SGCZ: variants seen among roughly 807,000 people sequenced by gnomAD.
SGCZ encodes sarcoglycan zeta.
Under a neutral mutation model 41.3 loss-of-function variants are expected in SGCZ, and 40 were observed. The ratio of observed to expected loss-of-function variants is 0.97; its 90% CI spans 0.75 to 1.26. The LOEUF (loss-of-function observed/expected upper bound fraction) is 1.26. SGCZ is among the 50% of genes most tolerant of loss of function. SGCZ has a pLI of 0.00. For missense variants in SGCZ, 552 were observed against 369.8 expected (o/e 1.49, Z -4.04); for synonymous variants, 206 against 137.5 (o/e 1.50, Z -3.49).
intron 2 of SGCZ, among the ~76,000 whole-genome samples, chr8:14,554,104 C>T (rs901378205): frequency 5.9e-5 from 9 of 152,022 alleles, no homozygotes; most frequent in South Asian, 2.1e-4. Context: ...TTCATTAATA[C>T]ATTATACAAT....
At chr8:14,635,706 A>C (rs905123447) in intron 1 of SGCZ, among the ~76,000 whole-genome samples, 4 of 151,626 alleles carry the variant, frequency 2.6e-5, no homozygotes, top group Non-Finnish European at 5.9e-5. Context: ...TCTGGGTGGA[A>C]GCCGTGTTCC....
intron 1 of SGCZ, among the ~76,000 whole-genome samples, chr8:14,766,598 G>C (rs930321215): frequency 1.3e-5 from 2 of 151,696 alleles, no homozygotes; most frequent in Non-Finnish European, 2.9e-5. Flanking sequence ...GTTTCATTCT[G>C]TCACCCAGGC....
intron 1 of SGCZ, among the ~76,000 whole-genome samples, chr8:14,698,487 T>TA (rs1233325163): frequency 6.6e-6 from 1 of 151,908 alleles, no homozygotes; most frequent in Admixed American, 6.6e-5. Flanking sequence ...ATAAAAGCTA[T>TA]AAAACACACC....
rs535748007 is a variant in SGCZ at position 15,150,241 on chromosome 8, G to C, written c.39+87344C>G. Among the ~76,000 whole-genome samples the C allele has an allele frequency of 2.0e-3, 199 of 99,766 alleles. 1 individual carries two copies. The highest frequency in any genetic ancestry group is 4.7e-3 in the African/African-American group (186 of 39,274). The allele number at this position is 99,766 out of a possible 152,430, so 65.5% of individuals were successfully genotyped here. A position where few individuals can be genotyped will look rare whatever the true frequency, so the allele number is the denominator to read the frequency against. On this transcript the variant is annotated intron_variant, in intron 1 of 7. Coordinates refer to ENST00000382080, the MANE Select transcript of SGCZ (RefSeq NM_139167.4). ...CAGAAATAAACATACCAATATGTTTGATAAAAATGAATAATTTTTACAAAG... is the reference window on the plus strand; with the variant it reads ...CAGAAATAAACATACCAATATGTTTCATAAAAATGAATAATTTTTACAAAG...
intron 1 of SGCZ, among the ~76,000 whole-genome samples, chr8:14,914,430 T>C (rs1799366219): frequency 6.6e-6 from 1 of 152,254 alleles, no homozygotes; most frequent in African/African-American, 2.4e-5. Context: ...CTGAAAACTC[T>C]TATGCTCTGT....
intron 2 of SGCZ, among the ~76,000 whole-genome samples, chr8:14,355,558 A>C (rs539362458): frequency 6.6e-6 from 1 of 152,126 alleles, no homozygotes; most frequent in South Asian, 2.1e-4. Flanking sequence ...AAAACTCAAT[A>C]ATAACGTATA....
At chr8:14,779,422 G>A (rs1010505525) in intron 1 of SGCZ, among the ~76,000 whole-genome samples, 4 of 152,042 alleles carry the variant, frequency 2.6e-5, no homozygotes, top group Non-Finnish European at 4.4e-5. Flanking sequence ...CACCAAGGCC[G>A]GTCAAGCCTT....
intron 1 of SGCZ, among the ~76,000 whole-genome samples, chr8:14,675,736 T>C (rs1255497420): frequency 6.6e-6 from 1 of 152,110 alleles, no homozygotes; most frequent in Non-Finnish European, 1.5e-5. Flanking sequence ...CAACAAAATA[T>C]GTAAAATATC....
intron 1 of SGCZ, among the ~76,000 whole-genome samples, chr8:15,001,181 T>G (rs555751685): frequency 1.3e-5 from 2 of 152,314 alleles, no homozygotes; most frequent in East Asian, 3.9e-4. Flanking sequence ...AAGTCAGGAA[T>G]AACTCAATGC....
intron 2 of SGCZ, among the ~76,000 whole-genome samples, chr8:14,438,878 T>A (rs1173192465): frequency 6.6e-6 from 1 of 152,072 alleles, no homozygotes; most frequent in Non-Finnish European, 1.5e-5. Context: ...TAACATTCTT[T>A]TAAATGACAG....
At chr8:14,126,281 T>A (rs1463007560) in intron 5 of SGCZ, among the ~76,000 whole-genome samples, 1 of 152,016 alleles carries the variant, frequency 6.6e-6, no homozygotes, top group Admixed American at 6.6e-5. Context: ...AACAAATTTA[T>A]AAGAGAAAAC....
chr8:14,826,715 G>A (rs1275675398), intron 1 of SGCZ, among the ~76,000 whole-genome samples: 1 of 152,006 alleles, frequency 6.6e-6, no homozygotes, highest in African/African-American at 2.4e-5. Context: ...TGTGTCTTTT[G>A]GCTGCATAAA....
intron 2 of SGCZ, among the ~76,000 whole-genome samples, chr8:14,454,355 G>T (rs1428710371): frequency 6.6e-6 from 1 of 152,106 alleles, no homozygotes; most frequent in African/African-American, 2.4e-5. Flanking sequence ...CCTTAATCCT[G>T]CTGAGGTTAA....
intron 1 of SGCZ, among the ~76,000 whole-genome samples, chr8:14,605,221 T>C (rs1479152436): frequency 6.6e-6 from 1 of 152,084 alleles, no homozygotes; most frequent in Non-Finnish European, 1.5e-5. Context: ...AAATTACGTC[T>C]AGTACATTCT....
chr8:14,907,151 ATACAGTC>A (rs1799140736), intron 1 of SGCZ, among the ~76,000 whole-genome samples: 1 of 152,102 alleles, frequency 6.6e-6, no homozygotes, highest in South Asian at 2.1e-4. Flanking sequence ...CACCTCTGTG[ATACAGTC>A]TACTATTTTT....
At chr8:14,812,059 A>G (rs1801753803) in intron 1 of SGCZ, among the ~76,000 whole-genome samples, 1 of 152,004 alleles carries the variant, frequency 6.6e-6, no homozygotes, top group Non-Finnish European at 1.5e-5. Flanking sequence ...GCTTATAGTA[A>G]AGGATCAGCA....
chr8:15,022,956 C>A (rs1415188993), intron 1 of SGCZ, among the ~76,000 whole-genome samples: 1 of 152,084 alleles, frequency 6.6e-6, no homozygotes, highest in Non-Finnish European at 1.5e-5. Flanking sequence ...AGCCTTGGAC[C>A]CGACAGGTGG....
intron 4 of SGCZ, among the ~76,000 whole-genome samples, chr8:14,186,951 C>A (rs1804924183): frequency 6.6e-6 from 1 of 152,142 alleles, no homozygotes; most frequent in African/African-American, 2.4e-5. Flanking sequence ...GATTTAACTG[C>A]ATCAGTCCAT....
intron 1 of SGCZ, among the ~76,000 whole-genome samples, chr8:14,774,491 G>C (rs893664077): frequency 2.6e-5 from 4 of 152,200 alleles, no homozygotes; most frequent in African/African-American, 4.8e-5. Context: ...TAAATCCAGT[G>C]AGATAGAAAC....
Sources: allele counts gnomAD v4.1 joint callset (sites outside exome capture counted in the v4.1 genomes callset), GRCh38; gene constraint gnomAD v4.1.1; transcripts MANE v1.5; gene names NCBI Gene and HGNC (gene_info 2026-07-23, HGNC 2026-07-21).